Variants in ODAD3 observed in about 807,000 individuals in gnomAD.
The protein encoded by ODAD3 is outer dynein arm-docking complex subunit 3.
Under a neutral mutation model 70.9 loss-of-function variants are expected in ODAD3, and 57 were observed. That is an observed-to-expected ratio of 0.80 (90% confidence interval 0.65 to 1.00). The LOEUF is 1.00. Among genes scored for constraint, ODAD3 ranks in the 50% least tolerant of loss-of-function variants. ODAD3 has a pLI of 0.00. For synonymous variants in ODAD3, 327 were observed against 315.9 expected, an observed-to-expected ratio of 1.04 and a Z score of -0.37; for missense variants, 797 against 763.9, an observed-to-expected ratio of 1.04 and a Z score of -0.51.
intron 7 of ODAD3, among the ~76,000 whole-genome samples, chr19:11,425,643 G>A (rs201951688): frequency 7.1e-5 from 9 of 127,398 alleles, no homozygotes; most frequent in African/African-American, 2.5e-4. Context: ...GTATATATAT[G>A]TATATACGTA....
At chr19:11,426,307 T>A (rs1276550703) in intron 6 of ODAD3, 41 bp from the exon 7 acceptor site, 1 of 1,610,810 alleles carries the variant, frequency 6.2e-7, no homozygotes, top group Non-Finnish European at 8.5e-7. Flanking sequence ...AGCTGGCACC[T>A]ACCACTGCCC....
rs1181383011 is a variant in ODAD3 at position 11,425,285 on chromosome 19, A to G, written c.963+859T>C. ...CATATGTGTATATGTGTGTATATGT[A>G]CATATGTGTATATATGTGTATGTGT... is the stretch of plus-strand genomic sequence containing the variant. On this transcript the variant is annotated intron_variant, in intron 7 of 12. Coordinates refer to ENST00000356392, the MANE Select transcript of ODAD3 (RefSeq NM_145045.5). Among the ~76,000 whole-genome samples the G allele has an allele frequency of 2.9e-5, 4 of 139,686 alleles. 1 individual carries two copies. The highest frequency in any genetic ancestry group is 6.9e-5 in the Admixed American group (1 of 14,438). 91.6% of individuals were successfully genotyped at this position (139,686 alleles called of 152,430 possible). A position where few individuals can be genotyped will look rare whatever the true frequency, so the allele number is the denominator to read the frequency against.
At chr19:11,424,275 G>T (rs1478703334) in intron 7 of ODAD3, among the ~76,000 whole-genome samples, 1 of 151,956 alleles carries the variant, frequency 6.6e-6, no homozygotes, top group African/African-American at 2.4e-5. Flanking sequence ...AGGCTGAGGC[G>T]GGAGGATTGT....
At chr19:11,421,974 G>C (rs1969146779) in intron 10 of ODAD3, 142 bp from the exon 11 acceptor site, 1 of 875,012 alleles carries the variant, frequency 1.1e-6, no homozygotes, top group Non-Finnish European at 1.7e-6. Flanking sequence ...ATTGGGGGCG[G>C]GGACTTAGGT....
rs575735533 is a variant in ODAD3, at chr19:11,426,157, C to A, written c.950G>T (p.Arg317Leu). The change falls in exon 7 of 13, where the codon CGC becomes CTC. Residue 317 changes from arginine (R) to leucine (L), a missense_variant. Physicochemically the swap from Arg to Leu is moderately radical, Grantham distance 102. Coordinates refer to ENST00000356392, the MANE Select transcript of ODAD3 (RefSeq NM_145045.5). Reference protein sequence around the residue: ...RAEEKKLENERMERKTHREHL... With the variant: ...RAEEKKLENELMERKTHREHL... ...GGGTGCGCCCACCTTGCGCTCCATG[C>A]GCTCGTTCTCCAGTTTCTTCTCCTC... 7 of 1,610,184 alleles carry A rather than the reference C, an allele frequency of 4.3e-6. No homozygotes were observed. The highest frequency in any genetic ancestry group is 4.0e-5 in the African/African-American group (3 of 74,880).
In ODAD3 at chr19:11,425,267, GTA is replaced by G. The variant is rs1326136963; in HGVS notation, c.963+875_963+876del. On this transcript the variant is annotated intron_variant, in intron 7 of 12. Coordinates refer to ENST00000356392, the MANE Select transcript of ODAD3 (RefSeq NM_145045.5). ...TGTATATATGTATATGTACATATGTGTATATGTGTGTATATGTACATATGTGT... is the reference window on the plus strand; with the variant it reads ...TGTATATATGTATATGTACATATGTGTATGTGTGTATATGTACATATGTGT... 3.1e-4 allele frequency among the ~76,000 whole-genome samples: 41 copies of G among 134,028 alleles called. 1 individual carries two copies. The highest frequency in any genetic ancestry group is 0.01 in the Middle Eastern group (1 of 96). The allele number at this position is 134,028 out of a possible 152,430, so 87.9% of individuals were successfully genotyped here. A position where few individuals can be genotyped will look rare whatever the true frequency, so the allele number is the denominator to read the frequency against.
At chr19:11,431,113 CTT>C (rs371864734) in intron 1 of ODAD3, 93 bp from the exon 2 acceptor site, 6,561 of 1,226,078 alleles carry the variant, frequency 5.4e-3, no homozygotes, top group Non-Finnish European at 5.7e-3. Flanking sequence ...CAATCATCAA[CTT>C]TTTTTTTTTT....
intron 7 of ODAD3, among the ~76,000 whole-genome samples, chr19:11,424,494 CATAT>C (rs951847683): frequency 6.9e-6 from 1 of 145,004 alleles, no homozygotes; most frequent in African/African-American, 2.5e-5. Flanking sequence ...AAAAAAAATC[CATAT>C]ATATATGTAT....
rs1038409692 is a variant in ODAD3 at position 11,421,512 on chromosome 19, C to T, written c.1590+165G>A. ...CCTCTTCTGGTTTCTTCCCTCGTGG[C>T]TCGGGCTCACCCCTGGCTCGTCAAA... On this transcript the variant is annotated intron_variant, in intron 11 of 12. Transcript: ENST00000356392. Among the ~76,000 whole-genome samples the T allele has an allele frequency of 3.9e-5, 6 of 152,200 alleles. No homozygotes were observed. The East Asian group carries it at 9.6e-4, about 24-fold the overall frequency.
At chr19:11,435,156 T>G (rs1969643629), upstream of ODAD3, 2 of 1,437,522 alleles carry the variant, frequency 1.4e-6, no homozygotes, top group African/African-American at 1.4e-5. Context: ...GCTCCGCATC[T>G]CTCGGTTGCC....
At chr19:11,429,090 G>T (rs1335713578) in intron 3 of ODAD3, among the ~76,000 whole-genome samples, 1 of 150,962 alleles carries the variant, frequency 6.6e-6, no homozygotes, top group African/African-American at 2.4e-5. Flanking sequence ...TGTTGGCCAG[G>T]CTGGTCTCAA....
chr19:11,425,183 G>GTA lies in ODAD3; in HGVS notation c.963+959_963+960dup, dbSNP rs771868476. On this transcript the variant is annotated intron_variant, in intron 7 of 12. Transcript: ENST00000356392. ...TACATATGTGTATATGTACATATGT[G>GTA]TATATATACATATGTGTATGTGTAC... 5.1e-5 allele frequency among the ~76,000 whole-genome samples: 7 copies of GTA among 137,386 alleles called. 1 individual carries two copies. The highest frequency in any genetic ancestry group is 2.1e-4 in the African/African-American group (7 of 33,174). The allele number at this position is 137,386 out of a possible 152,430, so 90.1% of individuals were successfully genotyped here.
intron 3 of ODAD3, chr19:11,430,441 ATG>A: frequency 5.8e-6 from 3 of 513,328 alleles, no homozygotes; most frequent in Admixed American, 3.5e-5. Context: ...CCTGGCTGTG[ATG>A]TTTTTTTTTT....
upstream of ODAD3, chr19:11,435,485 C>T: frequency 1.3e-5 from 5 of 370,998 alleles, no homozygotes; most frequent in Non-Finnish European, 2.5e-5. Context: ...CAGAACTATC[C>T]TCTCTAAGGT....
intron 7 of ODAD3, among the ~76,000 whole-genome samples, chr19:11,425,340 T>TGTACAC (rs1969307844): frequency 7.4e-6 from 1 of 134,408 alleles, no homozygotes; most frequent in African/African-American, 3.0e-5. Flanking sequence ...TATGTGTATA[T>TGTACAC]ATGTATATAT....
chr19:11,434,906 G>T lies in ODAD3; in HGVS notation c.111C>A (p.Ser37Arg). 1.2e-6 allele frequency: 2 copies of T among 1,614,118 alleles called. No individual in the cohort carries two copies. The highest frequency in any genetic ancestry group is 1.7e-6 in the Non-Finnish European group (2 of 1,180,038). ...GGGCTGTGCCCTTGCCTCGGAGGTG[G>T]CTGGGTTTGCCCGAAGCCTCCCTGC... is the stretch of plus-strand genomic sequence containing the variant. The part of the protein sequence containing the change: ...VKGREASGKP[S>R]HLRGKGTAQA... Residue 37 changes from serine (S) to arginine (R), a missense_variant, in exon 1 of 13, where the codon AGC becomes AGA. Transcript: ENST00000356392.
intron 1 of ODAD3, among the ~76,000 whole-genome samples, chr19:11,433,917 A>G (rs1278800182): frequency 6.6e-6 from 1 of 151,662 alleles, no homozygotes; most frequent in Non-Finnish European, 1.5e-5. Context: ...GCAGAGCAAG[A>G]CCCTGTCAGA....
intron 5 of ODAD3, 22 bp from the exon 6 acceptor site, chr19:11,426,593 T>C: frequency 7.4e-6 from 12 of 1,613,678 alleles, no homozygotes; most frequent in Non-Finnish European, 1.0e-5. Context: ...TGGGGAGGGG[T>C]AGCGGAGATG....
In ODAD3 at chr19:11,423,910, C is replaced by G; in HGVS notation, c.1083G>C (p.Lys361Asn). ...CGTCAGTGCCAGTGGCGTCCTTGAC[C>G]TTGCCAAAGATCACCTCCATCTGGT... ...SMYQMEVIFG[K>N]VKDATGTDET... Residue 361 changes from lysine (K) to asparagine (N), a missense_variant, in exon 8 of 13, where the codon AAG (lysine) becomes AAC (asparagine). Lys to Asn is a moderately conservative substitution (Grantham distance 94). Transcript: ENST00000356392. 1 of 1,613,210 alleles carries G rather than the reference C, an allele frequency of 6.2e-7. No homozygotes were observed.
Sources: gnomAD v4.1 joint callset for allele counts (sites outside exome capture counted in the v4.1 genomes callset) on GRCh38, gnomAD v4.1.1 for gene constraint, MANE v1.5 for transcripts, NCBI Gene and HGNC (gene_info 2026-07-23, HGNC 2026-07-21) for gene names.